The following TRIP13 variants were observed in gnomAD, a reference collection of about 807,000 sequenced individuals.
TRIP13 encodes the protein pachytene checkpoint protein 2 homolog.
Under a neutral mutation model 54.4 loss-of-function variants are expected in TRIP13, and 25 were observed. The ratio of observed to expected loss-of-function variants is 0.46; its 90% CI spans 0.33 to 0.64. The LOEUF is 0.64. TRIP13 is among the 30% of genes least tolerant of loss of function. The pLI, the probability that TRIP13 is intolerant of heterozygous loss-of-function variation, is 0.02. For synonymous variants in TRIP13, 207 were observed against 207.8 expected (o/e 1.00, Z 0.03); for missense variants, 373 against 534.2 (o/e 0.70, Z 2.97).
In TRIP13 at chr5:911,942, C is replaced by T. The variant is rs750679391; in HGVS notation, c.966C>T (p.Pro322=). 1.2e-6 allele frequency: 2 copies of T among 1,613,628 alleles called. No individual in the cohort carries two copies. The highest frequency in any genetic ancestry group is 8.5e-7 in the Non-Finnish European group (1 of 1,179,980). The part of the protein sequence containing the change: ...RADIKQYIGP[P]SAAAIFKIYL... ...ACATCAAGCAGTACATTGGGCCACC[C>T]TCTGCAGCAGCCATCTTCAAAATCT... Residue 322 remains proline, a synonymous_variant, in exon 10 of 13, where the codon CCC becomes CCT. Coordinates refer to ENST00000166345, the MANE Select transcript of TRIP13 (RefSeq NM_004237.4). The surrounding 1 kb of genome is among the most constrained non-coding windows in gnomAD (Gnocchi z 4.7).
intron 6 of TRIP13, among the ~76,000 whole-genome samples, chr5:904,996 T>C (rs950009604): frequency 6.6e-6 from 1 of 152,256 alleles, no homozygotes; most frequent in Non-Finnish European, 1.5e-5. Context: ...ATGGTTTTGC[T>C]TTGTTAGCAT....
At chr5:905,261 G>A (rs983253906) in intron 6 of TRIP13, among the ~76,000 whole-genome samples, 23 of 152,136 alleles carry the variant, frequency 1.5e-4, no homozygotes, top group African/African-American at 4.3e-4. Flanking sequence ...CTGGCGGTCG[G>A]AGTATGCACT....
intron 5 of TRIP13, 113 bp downstream of exon 5, chr5:901,544 A>G (rs1183951028): frequency 4.3e-6 from 4 of 936,006 alleles, no homozygotes; most frequent in African/African-American, 3.3e-5. Context: ...AAGGAGCCAC[A>G]GCTGTCCTAG....
rs1250442629 is a variant in TRIP13 at position 911,025 on chromosome 5, C to T, written c.867-818C>T. Among the ~76,000 whole-genome samples the T allele has an allele frequency of 6.6e-6, 1 of 152,260 alleles. No homozygotes were observed. Among genetic ancestry groups the T allele is most frequent in the African/African-American group, 2.4e-5 (1 of 41,474 alleles). On this transcript the variant is annotated intron_variant, in intron 9 of 12. Transcript: ENST00000166345. The surrounding 1 kb of genome is among the most constrained non-coding windows in gnomAD (Gnocchi z 4.7). ...TGCAGCCACGCCCCCCAGGCCTGTG[C>T]AGCATGCTCCCTGGGGGCACCTTGT... is the stretch of plus-strand genomic sequence containing the variant.
Position 908,173 on chromosome 5 carries a change from C to G in TRIP13, c.759+99C>G. The G allele has an allele frequency of 2.0e-6, 3 of 1,465,318 alleles. No homozygotes were observed. In the South Asian group the frequency reaches 3.5e-5, roughly 17 times the overall value. The allele number at this position is 1,465,318 out of a possible 1,614,324, so 90.8% of individuals were successfully genotyped here. A position where few individuals can be genotyped will look rare whatever the true frequency, so the allele number is the denominator to read the frequency against. On this transcript the variant is annotated intron_variant, in intron 8 of 12. Transcript: ENST00000166345. This position sits in a 1 kb window ranked among gnomAD's most constrained non-coding sequence, Gnocchi z 5.2. ...TGCTCCTAGCTTTCCCCTCCTACAG[C>G]CGGGCTGCCCTCTATCCCTCCCTGC...
At chr5:909,274 A>T (rs1400961538) in intron 9 of TRIP13, among the ~76,000 whole-genome samples, 1 of 152,182 alleles carries the variant, frequency 6.6e-6, no homozygotes, top group Admixed American at 6.5e-5. Context: ...ACTCCCAAGG[A>T]AGTGATGGGC....
At chr5:914,209 G>A (rs551633993) in intron 10 of TRIP13, among the ~76,000 whole-genome samples, 161 of 152,270 alleles carry the variant, frequency 1.1e-3, no homozygotes, top group African/African-American at 3.7e-3. Flanking sequence ...CACAGAAGAG[G>A]CTATGTTGCT....
chr5:901,644 C>T (rs749793731), intron 5 of TRIP13, among the ~76,000 whole-genome samples: 1 of 152,164 alleles, frequency 6.6e-6, no homozygotes, highest in South Asian at 2.1e-4. Flanking sequence ...GACAGAGTCT[C>T]GCTGTCGACC....
intron 5 of TRIP13, among the ~76,000 whole-genome samples, chr5:901,721 C>T (rs1360541738): frequency 6.6e-6 from 1 of 152,222 alleles, no homozygotes; most frequent in Non-Finnish European, 1.5e-5. Context: ...CTCCCAGGTT[C>T]CAGCAACTCT....
At chr5:916,091 A>C in intron 12 of TRIP13, 118 bp downstream of exon 12, 2 of 1,102,426 alleles carry the variant, frequency 1.8e-6, no homozygotes, top group Non-Finnish European at 2.7e-6. Flanking sequence ...TCTAAACCAC[A>C]GGGTCCTGGG....
At chr5:903,107 T>G (rs1580053792) in intron 5 of TRIP13, among the ~76,000 whole-genome samples, 1 of 151,692 alleles carries the variant, frequency 6.6e-6, no homozygotes, top group Admixed American at 6.6e-5. Flanking sequence ...CCACAAGAGG[T>G]GGAGGGGTAG....
In TRIP13 at chr5:896,813, G is replaced by A. The variant is rs1167146760; in HGVS notation, c.388+19G>A. 1 of 1,610,904 alleles carries A rather than the reference G, an allele frequency of 6.2e-7. No individual in the cohort carries two copies. Among genetic ancestry groups the A allele is most frequent in the South Asian group, 1.1e-5 (1 of 90,662 alleles). ...CCTGCAGGTATGGGGTGTGATGGGAGTTGAAGGGGAGGCTGAGGTCAGAGG... is the reference window on the plus strand; with the variant it reads ...CCTGCAGGTATGGGGTGTGATGGGAATTGAAGGGGAGGCTGAGGTCAGAGG... On this transcript the variant is annotated intron_variant, in intron 3 of 12. Coordinates refer to ENST00000166345, the MANE Select transcript of TRIP13 (RefSeq NM_004237.4).
intron 6 of TRIP13, among the ~76,000 whole-genome samples, chr5:904,519 G>A (rs1193801493): frequency 6.6e-6 from 1 of 152,096 alleles, no homozygotes; most frequent in East Asian, 1.9e-4. Flanking sequence ...TTCCTCTTGA[G>A]TTCTGTCTGT....
chr5:896,382 T>C (rs1753915061), intron 2 of TRIP13, among the ~76,000 whole-genome samples: 1 of 152,206 alleles, frequency 6.6e-6, no homozygotes, highest in Non-Finnish European at 1.5e-5. Flanking sequence ...GTCCCATCTG[T>C]GTGAGTGTAT....
rs1456945251 is a variant in TRIP13 at position 915,966 on chromosome 5, A to G, written c.1196A>G (p.Tyr399Cys). 1.2e-6 allele frequency: 2 copies of G among 1,613,892 alleles called. No individual in the cohort carries two copies. Among genetic ancestry groups the G allele is most frequent in the Non-Finnish European group, 1.7e-6 (2 of 1,179,966 alleles). ...RKLPFLAHALYVQAPTVTIEG... is the reference protein window; with the variant it reads ...RKLPFLAHALCVQAPTVTIEG... ...CTCCCCTTTCTGGCTCATGCGCTGT[A>G]TGTCCAGGTGAGTCTCCACTGCTGT... The change falls in exon 12 of 13, where the codon TAT becomes TGT. Residue 399 changes from tyrosine (Y) to cysteine (C), a missense_variant. Physicochemically the swap from Tyr to Cys is radical, Grantham distance 194 (BLOSUM62 -2). Around this residue, in one of 4 missense-constraint regions of TRIP13, gnomAD observed 101 missense variants for 138.5 expected, o/e 0.73. Coordinates refer to ENST00000166345, the MANE Select transcript of TRIP13 (RefSeq NM_004237.4). The surrounding 1 kb of genome is among the most constrained non-coding windows in gnomAD (Gnocchi z 4.2).
In TRIP13 at chr5:908,049, C is replaced by G. The variant is rs775951328; in HGVS notation, c.734C>G (p.Ala245Gly). Reference protein sequence around the residue: ...KIQDLIDDKDALVFVLIDEVE... With the variant: ...KIQDLIDDKDGLVFVLIDEVE... The stretch of plus-strand genomic sequence containing the variant: ...CAGGATTTGATTGATGATAAAGACG[C>G]CCTGGTGTTCGTGCTGATTGATGAG... The change falls in exon 8 of 13, where the codon GCC becomes GGC. Residue 245 changes from alanine to glycine, a missense_variant. By Grantham distance (60) the Ala-to-Gly change is moderately conservative (BLOSUM62 0). Transcript: ENST00000166345. The surrounding 1 kb of genome is among the most constrained non-coding windows in gnomAD (Gnocchi z 5.2). 1.2e-6 allele frequency: 2 copies of G among 1,614,194 alleles called. No individual in the cohort carries two copies. The highest frequency in any genetic ancestry group is 2.2e-5 in the South Asian group (2 of 91,084).
rs1754158395 is a variant in TRIP13, at chr5:908,247, A to G, written c.760-108A>G. The G allele has an allele frequency of 5.6e-6, 8 of 1,433,886 alleles. No homozygotes were observed. The Admixed American group carries it at 8.7e-5, about 16-fold the overall frequency. 88.8% of individuals were successfully genotyped at this position (1,433,886 alleles called of 1,614,324 possible). On this transcript the variant is annotated intron_variant, in intron 8 of 12. Coordinates refer to ENST00000166345, the MANE Select transcript of TRIP13 (RefSeq NM_004237.4). This position sits in a 1 kb window ranked among gnomAD's most constrained non-coding sequence, Gnocchi z 5.2. Reference sequence around the variant, plus strand: ...GCAGCATCCGCAGGCTAGGCACGGGAACACCCATTCATTCATCTTTTTCAC... The same window carrying G: ...GCAGCATCCGCAGGCTAGGCACGGGGACACCCATTCATTCATCTTTTTCAC...
At position 892,997 on chromosome 5, in the gene TRIP13, C is replaced by T. The variant is rs1324119844; in HGVS notation, c.-2C>T. 6.5e-7 allele frequency: 1 copy of T among 1,543,918 alleles called. No individual in the cohort carries two copies. The highest frequency in any genetic ancestry group is 8.7e-7 in the Non-Finnish European group (1 of 1,148,836). ...TGGGTCCCCACTGCTCTCGGGGGCG[C>T]CATGGACGAGGCCGTGGGCGACCTG... is the stretch of plus-strand genomic sequence containing the variant. On this transcript the variant is annotated 5_prime_UTR_variant, in exon 1 of 13. Transcript: ENST00000166345.
intron 2 of TRIP13, among the ~76,000 whole-genome samples, chr5:896,118 C>T (rs1249318045): frequency 1.3e-5 from 2 of 152,132 alleles, no homozygotes; most frequent in African/African-American, 4.8e-5. Context: ...TGGAGAATGG[C>T]CCGGGGATCA....
Sources: gnomAD v4.1 joint callset for allele counts (sites outside exome capture counted in the v4.1 genomes callset) on GRCh38, gnomAD v4.1.1 for gene constraint, gnomAD v4.1.1 regional missense constraint, Gnocchi (gnomAD v3.1) non-coding constraint, MANE v1.5 for transcripts, NCBI Gene and HGNC (gene_info 2026-07-23, HGNC 2026-07-21) for gene names.